The following ANKRD45 variants were observed in gnomAD, a reference collection of about 807,000 sequenced individuals.
ANKRD45 encodes the protein ankyrin repeat domain 45.
ANKRD45 carries 21 observed loss-of-function variants against 28.1 expected under a neutral mutation model. The observed-to-expected ratio is 0.75, with a 90% CI of 0.53 to 1.08. The LOEUF is 1.08. Among genes scored for constraint, ANKRD45 ranks in the 50% least tolerant of loss-of-function variants. The probability of loss-of-function intolerance (pLI) is 0.00; values close to 1 mark genes in which losing one functional copy is unlikely to be tolerated. For missense variants in ANKRD45, 261 were observed against 308.7 expected, an observed-to-expected ratio of 0.85 and a Z score of 1.16; for synonymous variants, 86 against 103.9, an observed-to-expected ratio of 0.83 and a Z score of 1.05.
upstream of ANKRD45, among the ~76,000 whole-genome samples, chr1:173,672,648 T>C (rs978628716): frequency 1.3e-5 from 2 of 152,182 alleles, no homozygotes; most frequent in Non-Finnish European, 2.9e-5. Context: ...AAAGCAAAGA[T>C]GCCGTGAGCT....
chr1:173,711,567 T>A, the ANKRD45 span, among the ~76,000 whole-genome samples: 2 of 152,238 alleles, frequency 1.3e-5, no homozygotes, highest in African/African-American at 2.4e-5. Flanking sequence ...GGGAGGCAAG[T>A]TTGCCCTAAG....
At chr1:173,640,943 C>G (rs948887078) in intron 3 of ANKRD45, among the ~76,000 whole-genome samples, 3 of 152,214 alleles carry the variant, frequency 2.0e-5, no homozygotes, top group African/African-American at 7.2e-5. Context: ...TCTCTCACCA[C>G]CTCCACCTTA....
intron 2 of ANKRD45, among the ~76,000 whole-genome samples, chr1:173,656,323 T>C (rs1669509168): frequency 6.6e-6 from 1 of 152,228 alleles, no homozygotes; most frequent in African/African-American, 2.4e-5. Flanking sequence ...TTTATTTGTA[T>C]CACATTTTCT....
intron 5 of ANKRD45, among the ~76,000 whole-genome samples, chr1:173,624,061 G>T (rs1191952613): frequency 3.3e-5 from 5 of 151,990 alleles, no homozygotes; most frequent in Admixed American, 3.3e-4. Flanking sequence ...GTTTACCTAT[G>T]TAACAAACCA....
intron 5 of ANKRD45, among the ~76,000 whole-genome samples, chr1:173,618,475 T>A (rs530339533): frequency 6.6e-6 from 1 of 152,008 alleles, no homozygotes; most frequent in Non-Finnish European, 1.5e-5. Context: ...AAAACCATGA[T>A]GCAAGAAGTT....
At chr1:173,648,923 A>G (rs1040967066) in intron 2 of ANKRD45, among the ~76,000 whole-genome samples, 4 of 152,324 alleles carry the variant, frequency 2.6e-5, no homozygotes, top group African/African-American at 9.6e-5. Flanking sequence ...CAAGTCACAT[A>G]GTCAAGTTAG....
chr1:173,700,737 A>C, the ANKRD45 span, among the ~76,000 whole-genome samples: 2 of 152,246 alleles, frequency 1.3e-5, no homozygotes, highest in East Asian at 3.8e-4. Flanking sequence ...AAACCTAGGC[A>C]ATACCATTCA....
At chr1:173,691,678 T>C in the ANKRD45 span, among the ~76,000 whole-genome samples, 1 of 152,074 alleles carries the variant, frequency 6.6e-6, no homozygotes, top group Non-Finnish European at 1.5e-5. Flanking sequence ...TCCCAGCTAC[T>C]TGGGAGGCTG....
the ANKRD45 span, among the ~76,000 whole-genome samples, chr1:173,677,160 C>A: frequency 1.5e-3 from 225 of 149,712 alleles, no homozygotes; most frequent in Admixed American, 3.6e-3. Context: ...ATTCATTTAA[C>A]CAAAGTGATA....
chr1:173,651,824 T>A (rs1669241326), intron 2 of ANKRD45, among the ~76,000 whole-genome samples: 2 of 152,208 alleles, frequency 1.3e-5, no homozygotes. Flanking sequence ...CCTTGTAAGT[T>A]GGATTCCTAC....
In ANKRD45 at chr1:173,659,170, T is replaced by C; in HGVS notation, c.249A>G (p.Ala83=). The C allele has an allele frequency of 6.2e-7, 1 of 1,614,186 alleles. No individual in the cohort carries two copies. The change falls in exon 2 of 6, where the codon GCA becomes GCG. Residue 83 remains alanine (A), a synonymous_variant. Transcript: ENST00000333279. The part of the protein sequence containing the change: ...EDIVGRNLLY[A]ACMAGQSDVI... ...CGTCACTTTGCCCAGCCATGCAAGC[T>C]GCATACAACAAATTTCTCCCAACGA...
the ANKRD45 span, among the ~76,000 whole-genome samples, chr1:173,703,027 T>G: frequency 6.6e-6 from 1 of 151,904 alleles, no homozygotes; most frequent in African/African-American, 2.4e-5. Flanking sequence ...TGCCCCTCTG[T>G]GTCCATTCTT....
chr1:173,696,186 T>C, the ANKRD45 span, among the ~76,000 whole-genome samples: 1 of 152,126 alleles, frequency 6.6e-6, no homozygotes, highest in Non-Finnish European at 1.5e-5. Context: ...CTTTAAAATT[T>C]CTCTCTTTTG....
At chr1:173,668,611 A>G (rs1670122441) in intron 1 of ANKRD45, among the ~76,000 whole-genome samples, 1 of 152,328 alleles carries the variant, frequency 6.6e-6, no homozygotes, top group African/African-American at 2.4e-5. Flanking sequence ...GATAACCTAA[A>G]TATTTGTATA....
At chr1:173,620,405 G>A (rs1667648722) in intron 5 of ANKRD45, among the ~76,000 whole-genome samples, 1 of 152,154 alleles carries the variant, frequency 6.6e-6, no homozygotes, top group South Asian at 2.1e-4. Context: ...TGAAACTAAT[G>A]AGAACAAAGA....
At chr1:173,644,981 G>A (rs1182421201) in intron 3 of ANKRD45, among the ~76,000 whole-genome samples, 3 of 122,096 alleles carry the variant, frequency 2.5e-5, no homozygotes, top group Non-Finnish European at 3.5e-5. Flanking sequence ...CAACAAGAGC[G>A]AAACTCCATC....
At chr1:173,643,575 T>A (rs1668797003) in intron 3 of ANKRD45, among the ~76,000 whole-genome samples, 1 of 152,148 alleles carries the variant, frequency 6.6e-6, no homozygotes, top group Non-Finnish European at 1.5e-5. Flanking sequence ...TAAGTATAAA[T>A]GTTTTCATTT....
At chr1:173,675,978 C>T in the ANKRD45 span, among the ~76,000 whole-genome samples, 1 of 152,194 alleles carries the variant, frequency 6.6e-6, no homozygotes, top group South Asian at 2.1e-4. Context: ...GAATTCCTCT[C>T]CTCTCAATGT....
chr1:173,701,491 A>G, the ANKRD45 span, among the ~76,000 whole-genome samples: 1 of 152,260 alleles, frequency 6.6e-6, no homozygotes, highest in African/African-American at 2.4e-5. Context: ...ATGCAGCCAT[A>G]AAAAAGGATG....
Sources: gnomAD v4.1 joint callset for allele counts (sites outside exome capture counted in the v4.1 genomes callset) on GRCh38, gnomAD v4.1.1 for gene constraint, MANE v1.5 for transcripts, NCBI Gene and HGNC (gene_info 2026-07-23, HGNC 2026-07-21) for gene names.